HGSNAT: variants seen among roughly 807,000 people sequenced by gnomAD.
HGSNAT encodes the protein transmembrane protein 76.
In HGSNAT, 59 loss-of-function variants were observed where a neutral mutation model predicts 85.2. The ratio of observed to expected loss-of-function variants is 0.69; its 90% CI spans 0.56 to 0.86. The LOEUF is 0.86. Ranked by LOEUF, HGSNAT falls within the 40% of genes least tolerant of loss-of-function variation. The pLI is 0.00. For missense variants in HGSNAT, 756 were observed against 777.1 expected, an observed-to-expected ratio of 0.97 and a Z score of 0.32; for synonymous variants, 321 against 304.5, an observed-to-expected ratio of 1.05 and a Z score of -0.56.
At chr8:43,188,133 T>C (rs1227998276) in intron 11 of HGSNAT, among the ~76,000 whole-genome samples, 2 of 152,238 alleles carry the variant, frequency 1.3e-5, no homozygotes, top group African/African-American at 2.4e-5. Context: ...GGAGTTGCTC[T>C]TCTTGAGGAG....
At position 43,155,217 on chromosome 8, in the gene HGSNAT, T is replaced by C. The variant is rs557370369; in HGVS notation, c.235-3358T>C. Among the ~76,000 whole-genome samples the C allele has an allele frequency of 7.9e-5, 12 of 152,290 alleles. 1 individual carries two copies. The South Asian group carries it at 2.3e-3, about 29-fold the overall frequency. Reference sequence around the variant, plus strand: ...ACAACAGTGTGTAAGAGTGCCCCTTTCTCCACATCCTTGCCAGCATGCATT... The same window carrying C: ...ACAACAGTGTGTAAGAGTGCCCCTTCCTCCACATCCTTGCCAGCATGCATT... On this transcript the variant is annotated intron_variant, in intron 2 of 17. Transcript: ENST00000379644.
At chr8:43,198,388 C>T (rs1453123708) in intron 17 of HGSNAT, among the ~76,000 whole-genome samples, 4 of 149,680 alleles carry the variant, frequency 2.7e-5, no homozygotes, top group African/African-American at 4.9e-5. Context: ...CCCAGGTTCA[C>T]GCCATTCTCC....
In HGSNAT at chr8:43,140,620, T is replaced by G; in HGVS notation, c.118+6T>G. The G allele has an allele frequency of 8.2e-7, 1 of 1,214,762 alleles. No individual in the cohort carries two copies. The highest frequency in any genetic ancestry group is 1.0e-6 in the Non-Finnish European group (1 of 959,734). The allele number at this position is 1,214,762 out of a possible 1,614,324, so 75.2% of individuals were successfully genotyped here. ...CCAGGCCGCGCCGCCACGAGGTGAG[T>G]GCACACCTCCTACCGCCGCCCGGCC... On this transcript the variant is annotated splice_donor_region_variant and intron_variant, in intron 1 of 17. Coordinates refer to ENST00000379644, the MANE Select transcript of HGSNAT (RefSeq NM_152419.3).
chr8:43,147,669 T>C (rs1398834560), intron 2 of HGSNAT, among the ~76,000 whole-genome samples: 2 of 152,230 alleles, frequency 1.3e-5, no homozygotes, highest in Non-Finnish European at 2.9e-5. Context: ...AAATACTGCA[T>C]GTTCTCACTT....
At chr8:43,143,568 C>G (rs1296292256) in intron 1 of HGSNAT, among the ~76,000 whole-genome samples, 2 of 150,556 alleles carry the variant, frequency 1.3e-5, no homozygotes, top group African/African-American at 2.4e-5. Context: ...GACAGAGTCT[C>G]GCTCTGTCGC....
intron 2 of HGSNAT, among the ~76,000 whole-genome samples, chr8:43,151,266 A>G (rs891822309): frequency 6.6e-6 from 1 of 152,258 alleles, no homozygotes; most frequent in African/African-American, 2.4e-5. Context: ...TGGATTCTGC[A>G]GTCCAAGTGT....
chr8:43,167,864 C>A (rs185496856), intron 5 of HGSNAT: 162 of 201,824 alleles, frequency 8.0e-4, no homozygotes, highest in African/African-American at 3.7e-3. Context: ...ATATATTTAT[C>A]TTTTGTTAGT....
chr8:43,165,989 A>G (rs1485691343), intron 5 of HGSNAT, among the ~76,000 whole-genome samples: 1 of 152,192 alleles, frequency 6.6e-6, no homozygotes, highest in African/African-American at 2.4e-5. Flanking sequence ...GCTGATATGG[A>G]GAAAGTTTGA....
chr8:43,151,738 A>G (rs375668629), intron 2 of HGSNAT, among the ~76,000 whole-genome samples: 2 of 152,204 alleles, frequency 1.3e-5, no homozygotes, highest in African/African-American at 4.8e-5. Flanking sequence ...ATGCATGTAA[A>G]TGTTCATAAT....
intron 13 of HGSNAT, among the ~76,000 whole-genome samples, 158 bp downstream of exon 13, chr8:43,192,588 T>C (rs1804577004): frequency 6.6e-6 from 1 of 152,108 alleles, no homozygotes; most frequent in Admixed American, 6.5e-5. Flanking sequence ...ACTTTAGGGA[T>C]CACTGTATGG....
Position 43,169,229 on chromosome 8 carries a change from G to T in HGSNAT, c.620G>T (p.Arg207Leu). The T allele has an allele frequency of 1.9e-6, 3 of 1,582,406 alleles. No individual in the cohort carries two copies. The highest frequency in any genetic ancestry group is 2.6e-6 in the Non-Finnish European group (3 of 1,161,760). The change falls in exon 6 of 18, where the codon CGC becomes CTC. Residue 207 changes from arginine to leucine, a missense_variant. Arg to Leu is a moderately radical substitution (Grantham distance 102). Coordinates refer to ENST00000379644, the MANE Select transcript of HGSNAT (RefSeq NM_152419.3). ...GCCATAAGTTCTCGAGAAACTGATC[G>T]CCTCATCAATTCTGTAAGTTATGAG... ...SKAISSRETD[R>L]LINSELGSPS...
In HGSNAT at chr8:43,200,683, G is replaced by GCATT; in HGVS notation, c.*1115_*1118dup. 6.6e-6 allele frequency: 1 copy of GCATT among 152,370 alleles called. No individual in the cohort carries two copies. The highest frequency in any genetic ancestry group is 1.9e-4 in the East Asian group (1 of 5,188). 9.4% of individuals were successfully genotyped at this position (152,370 alleles called of 1,614,324 possible). On this transcript the variant is annotated 3_prime_UTR_variant, in exon 18 of 18. Transcript: ENST00000379644. Reference sequence around the variant, plus strand: ...GACAAAGGACAAACAGAGACACACGGCATTGTTCATGGGAGGCATCGTCAC... The same window carrying GCATT: ...GACAAAGGACAAACAGAGACACACGGCATTCATTGTTCATGGGAGGCATCGTCAC...
chr8:43,170,405 A>G (rs1803583732), intron 6 of HGSNAT, among the ~76,000 whole-genome samples, 180 bp from the exon 7 acceptor site: 2 of 152,278 alleles, frequency 1.3e-5, no homozygotes, highest in South Asian at 2.1e-4. Context: ...GCTTGACCCC[A>G]GGAGGTGGAG....
In HGSNAT at chr8:43,181,831, G is replaced by C. The variant is rs569210228; in HGVS notation, c.1013-314G>C. ...TAGGAAAGAGCCAGGGTCAGGCACAGGCCTGGCTTTATCCCCACACCTGAG... is the reference window on the plus strand; with the variant it reads ...TAGGAAAGAGCCAGGGTCAGGCACACGCCTGGCTTTATCCCCACACCTGAG... On this transcript the variant is annotated intron_variant, in intron 10 of 17. Coordinates refer to ENST00000379644, the MANE Select transcript of HGSNAT (RefSeq NM_152419.3). 2.1e-5 allele frequency: 7 copies of C among 340,880 alleles called. No homozygotes were observed. The East Asian group carries it at 3.9e-4, about 19-fold the overall frequency. The allele number at this position is 340,880 out of a possible 1,614,324, so 21.1% of individuals were successfully genotyped here.
At chr8:43,143,231 C>T (rs1195237306) in intron 1 of HGSNAT, among the ~76,000 whole-genome samples, 1 of 152,174 alleles carries the variant, frequency 6.6e-6, no homozygotes, top group African/African-American at 2.4e-5. Flanking sequence ...AAGTCACATA[C>T]TGATGGTAAA....
chr8:43,196,978 C>T lies in HGSNAT; in HGVS notation c.1495C>T (p.Arg499Trp), dbSNP rs200238482. 91 of 1,611,712 alleles carry T rather than the reference C, an allele frequency of 5.6e-5. No homozygotes were observed. The highest frequency in any genetic ancestry group is 5.3e-5 in the African/African-American group (4 of 74,870). ...AAAAATACTATTGTATTACAAGGCT[C>T]GGACCAAAGACATCCTGATTCGATT... ...AGKILLYYKA[R>W]TKDILIRFTA... is the part of the protein sequence containing the mutation. Residue 499 changes from arginine to tryptophan, a missense_variant, in exon 15 of 18, where the codon CGG (arginine) becomes TGG (tryptophan). Transcript: ENST00000379644.
At chr8:43,197,382 CTGTT>C (rs747074727) in intron 15 of HGSNAT, 17 of 536,498 alleles carry the variant, frequency 3.2e-5, no homozygotes, top group South Asian at 1.5e-4. Flanking sequence ...GCAAGGTTGA[CTGTT>C]TGTTCATTTC....
rs916743648 is a variant in HGSNAT at position 43,201,623 on chromosome 8, T to C, written c.*2054T>C. On this transcript the variant is annotated 3_prime_UTR_variant, in exon 18 of 18. Coordinates refer to ENST00000379644, the MANE Select transcript of HGSNAT (RefSeq NM_152419.3). The surrounding 1 kb of genome is among the most constrained non-coding windows in gnomAD (Gnocchi z 4.4). ...AGTGTTTTCTTCCTCTGGGTTCTTA[T>C]AATGTTGGTATCAATCTCACAGCAT... 18 of 152,418 alleles carry C rather than the reference T, an allele frequency of 1.2e-4. No individual in the cohort carries two copies. Among genetic ancestry groups the C allele is most frequent in the African/African-American group, 3.8e-4 (16 of 41,580 alleles). 9.4% of individuals were successfully genotyped at this position (152,418 alleles called of 1,614,324 possible).
At chr8:43,181,994 T>A (rs1804141217) in intron 10 of HGSNAT, 151 bp from the exon 11 acceptor site, 1 of 690,680 alleles carries the variant, frequency 1.4e-6, no homozygotes, top group African/African-American at 1.8e-5. Context: ...CCATGTCTCT[T>A]GACCGTATAT....
Sources: allele counts gnomAD v4.1 joint callset (sites outside exome capture counted in the v4.1 genomes callset), GRCh38; gene constraint gnomAD v4.1.1; non-coding constraint Gnocchi (gnomAD v3.1); transcripts MANE v1.5; gene names NCBI Gene and HGNC (gene_info 2026-07-23, HGNC 2026-07-21).